CARD14: variants seen among roughly 807,000 people sequenced by gnomAD.
CARD14 encodes caspase recruitment domain-containing protein 14.
Under a neutral mutation model 111.5 loss-of-function variants are expected in CARD14, and 107 were observed. The ratio of observed to expected loss-of-function variants is 0.96; its 90% CI spans 0.82 to 1.13. CARD14 has a LOEUF of 1.13. CARD14 is among the 50% of genes most tolerant of loss of function. CARD14 has a pLI of 0.00. For missense variants in CARD14, 1,322 were observed against 1,362.3 expected (o/e 0.97, Z 0.47); for synonymous variants, 617 against 579.6 (o/e 1.06, Z -0.93).
rs560905070 is a variant in CARD14 at position 80,171,966 on chromosome 17, C to A, written c.-689-940C>A. On this transcript the variant is annotated intron_variant, in intron 1 of 23. Transcript: ENST00000648509. The stretch of plus-strand genomic sequence containing the variant: ...AGCCCCAGGAAGGCACCCGAGAAAC[C>A]TGTAGTCCTCGGCTGACCACCAGTC... 2.6e-5 allele frequency among the ~76,000 whole-genome samples: 4 copies of A among 152,306 alleles called. No individual in the cohort carries two copies. In the East Asian group the frequency reaches 7.7e-4, roughly 29 times the overall value.
rs1015926103 is a variant in CARD14 at position 80,203,692 on chromosome 17, G to A, written c.2220-130G>A. The stretch of plus-strand genomic sequence containing the variant: ...GCGCTCCAGCCTGCAGCAAAGGGAT[G>A]TGTGGAGCTCTAGGTGGAGGCCCTT... On this transcript the variant is annotated intron_variant, in intron 18 of 23. Transcript: ENST00000648509. The surrounding 1 kb of genome is among the most constrained non-coding windows in gnomAD (Gnocchi z 4.6). 39 of 639,624 alleles carry A rather than the reference G, an allele frequency of 6.1e-5. No individual in the cohort carries two copies. The African/African-American group carries it at 6.7e-4, about 11-fold the overall frequency. 39.6% of individuals were successfully genotyped at this position (639,624 alleles called of 1,614,324 possible).
chr17:80,171,213 T>TCCTG (rs1567860993), intron 1 of CARD14, among the ~76,000 whole-genome samples: 2 of 70,230 alleles, frequency 2.8e-5, no homozygotes, highest in African/African-American at 1.2e-4. Flanking sequence ...CTCCCTTCCT[T>TCCTG]CCTTCCTTCC....
At chr17:80,197,725 T>C (rs1455540152) in intron 14 of CARD14, among the ~76,000 whole-genome samples, 1 of 152,156 alleles carries the variant, frequency 6.6e-6, no homozygotes, top group Non-Finnish European at 1.5e-5. Flanking sequence ...GAAATCCAGA[T>C]TTTAGGTGAA....
At chr17:80,200,228 C>CT (rs1567894205) in intron 16 of CARD14, among the ~76,000 whole-genome samples, 51 of 109,588 alleles carry the variant, frequency 4.7e-4, no homozygotes, top group African/African-American at 1.4e-3. Flanking sequence ...CTTTACATGT[C>CT]ATTTTTTTTT....
Position 80,208,202 on chromosome 17 carries a change from G to A in CARD14, c.2872G>A (p.Gly958Arg), listed in dbSNP as rs887792411. The A allele has an allele frequency of 1.9e-6, 3 of 1,554,970 alleles. No individual in the cohort carries two copies. In the African/African-American group the frequency reaches 4.1e-5, roughly 21 times the overall value. The change falls in exon 24 of 24, where the codon GGA (glycine) becomes AGA (arginine). Residue 958 changes from glycine to arginine, a missense_variant. Transcript: ENST00000648509. ...QLLEAARQEEGDLDRAPCLYS... is the reference protein window; with the variant it reads ...QLLEAARQEERDLDRAPCLYS... ...CCTGGAGGCTGCGAGGCAGGAGGAGGGAGACCTGGACCGGGCGCCCTGTCT... is the reference window on the plus strand; with the variant it reads ...CCTGGAGGCTGCGAGGCAGGAGGAGAGAGACCTGGACCGGGCGCCCTGTCT...
Position 80,201,654 on chromosome 17 carries a change from G to A in CARD14, c.1852-90G>A, listed in dbSNP as rs905465949. ...TGGTCCTACGGCAGGGCTGGCCCGC[G>A]CCTCGCCTCAGTGCCCTCAGCGCCT... On this transcript the variant is annotated intron_variant, in intron 16 of 23. Transcript: ENST00000648509. This position sits in a 1 kb window ranked among gnomAD's most constrained non-coding sequence, Gnocchi z 5.0. The A allele has an allele frequency of 6.4e-6, 9 of 1,412,984 alleles. No homozygotes were observed. The highest frequency in any genetic ancestry group is 1.2e-5 in the South Asian group (1 of 86,604). The allele number at this position is 1,412,984 out of a possible 1,614,324, so 87.5% of individuals were successfully genotyped here.
intron 4 of CARD14, among the ~76,000 whole-genome samples, chr17:80,179,922 G>T (rs1204690565): frequency 6.6e-6 from 1 of 152,184 alleles, no homozygotes; most frequent in Non-Finnish European, 1.5e-5. Flanking sequence ...CATCTGCCTC[G>T]CATTTCCTTA....
chr17:80,178,190 A>G (rs1021177194), intron 2 of CARD14, among the ~76,000 whole-genome samples: 17 of 152,148 alleles, frequency 1.1e-4, no homozygotes, highest in African/African-American at 4.1e-4. Flanking sequence ...GCAGAAGGGT[A>G]TGAGTGGCCT....
chr17:80,174,504 C>T (rs2039978140), intron 2 of CARD14, among the ~76,000 whole-genome samples: 1 of 152,186 alleles, frequency 6.6e-6, no homozygotes, highest in South Asian at 2.1e-4. Context: ...TGAGCCACGT[C>T]GCCTGGACTT....
Sources: allele counts gnomAD v4.1 joint callset (sites outside exome capture counted in the v4.1 genomes callset), GRCh38; gene constraint gnomAD v4.1.1; non-coding constraint Gnocchi (gnomAD v3.1); transcripts MANE v1.5; gene names NCBI Gene and HGNC (gene_info 2026-07-23, HGNC 2026-07-21).